PALM2AKAP2: variants seen among roughly 807,000 people sequenced by gnomAD.
PALM2AKAP2 encodes PALM2-AKAP2 fusion protein.
In PALM2AKAP2, 37 loss-of-function variants were observed where a neutral mutation model predicts 71.5. That is an observed-to-expected ratio of 0.52 (90% CI 0.40 to 0.68). PALM2AKAP2 has a LOEUF of 0.68. Among genes scored for constraint, PALM2AKAP2 ranks in the 30% least tolerant of loss-of-function variants. The pLI is 0.00. For synonymous variants in PALM2AKAP2, 468 were observed against 478.8 expected, an observed-to-expected ratio of 0.98 and a Z score of 0.29; for missense variants, 1,224 against 1,191.8, an observed-to-expected ratio of 1.03 and a Z score of -0.40.
rs201336074 is a variant in PALM2AKAP2 at position 110,002,797 on chromosome 9, A to G, written c.497-13157A>G. Among the ~76,000 whole-genome samples the G allele has an allele frequency of 4.3e-4, 65 of 152,282 alleles. 2 individuals carry two copies. In the East Asian group the frequency reaches 0.011, roughly 25 times the overall value. On this transcript the variant is annotated intron_variant, in intron 6 of 9. Transcript: ENST00000302798. ...GTCGAGGAATTTATCCATTTCTTCT[A>G]GATTTTCTAGTTTATTTGTGTAGAG...
intron 1 of PALM2AKAP2, among the ~76,000 whole-genome samples, chr9:109,803,835 G>T (rs1055242963): frequency 6.6e-6 from 1 of 152,218 alleles, no homozygotes; most frequent in African/African-American, 2.4e-5. Context: ...ATGTGCTCCT[G>T]CAGAGTTAAG....
At chr9:109,723,397 T>C (rs1828432667) in intron 1 of PALM2AKAP2, among the ~76,000 whole-genome samples, 1 of 152,140 alleles carries the variant, frequency 6.6e-6, no homozygotes. Context: ...TACCAAATAT[T>C]TAATGAACAC....
At chr9:109,915,614 A>AT (rs1396658326) in intron 3 of PALM2AKAP2, among the ~76,000 whole-genome samples, 3 of 152,070 alleles carry the variant, frequency 2.0e-5, no homozygotes, top group African/African-American at 7.2e-5. Flanking sequence ...GGAGTTGCAG[A>AT]TTTTTTTACT....
rs565668461 is a variant in PALM2AKAP2, at chr9:110,038,890, G to A, written c.582+22851G>A. ...TGGGAGGCAGAGGTTGCAGTGAGCC[G>A]CGATTGTGCCACTCCAGCCTGGCAA... On this transcript the variant is annotated intron_variant, in intron 7 of 9. Coordinates refer to the PALM2AKAP2 transcript ENST00000302798. Among the ~76,000 whole-genome samples, 15 of 69,400 alleles carry A rather than the reference G, an allele frequency of 2.2e-4. No individual in the cohort carries two copies. The South Asian group carries it at 3.2e-3, about 15-fold the overall frequency. 45.5% of individuals were successfully genotyped at this position (69,400 alleles called of 152,430 possible).
At chr9:109,949,091 C>T (rs577233501) in intron 6 of PALM2AKAP2, among the ~76,000 whole-genome samples, 10 of 152,360 alleles carry the variant, frequency 6.6e-5, no homozygotes, top group African/African-American at 2.4e-4. Context: ...AGGTGTGGCC[C>T]AAAGGGGCTA....
upstream of PALM2AKAP2, among the ~76,000 whole-genome samples, chr9:110,046,930 G>T (rs1443580739): frequency 6.6e-6 from 1 of 151,536 alleles, no homozygotes; most frequent in Admixed American, 6.6e-5. Context: ...GAGAGTCTAT[G>T]GTCCATATAA....
At chr9:110,083,964 C>A (rs1362493479) in intron 1 of PALM2AKAP2, among the ~76,000 whole-genome samples, 1 of 152,174 alleles carries the variant, frequency 6.6e-6, no homozygotes, top group Non-Finnish European at 1.5e-5. Flanking sequence ...GGATATCCAA[C>A]CTGAGAGAGG....
At position 109,843,324 on chromosome 9, in the gene PALM2AKAP2, A is replaced by G. The variant is rs60342773; in HGVS notation, c.46-24167A>G. The stretch of plus-strand genomic sequence containing the variant: ...CTCAAAAAAAAAAAAAAAAAAAAAA[A>G]GAAGAAGACTTTTTGAATTAAAGAA... On this transcript the variant is annotated intron_variant, in intron 1 of 9. Coordinates refer to the PALM2AKAP2 transcript ENST00000302798. 3.2e-4 allele frequency among the ~76,000 whole-genome samples: 46 copies of G among 145,702 alleles called. No homozygotes were observed. In the East Asian group the frequency reaches 7.4e-3, roughly 23 times the overall value.
intron 1 of PALM2AKAP2, among the ~76,000 whole-genome samples, chr9:110,063,205 C>G (rs555326820): frequency 9.2e-5 from 14 of 152,284 alleles, no homozygotes; most frequent in Non-Finnish European, 1.5e-4. Context: ...ATACATCTGT[C>G]TCCCAGGCAT....
At chr9:110,044,287 C>T (rs1019834471), upstream of PALM2AKAP2, among the ~76,000 whole-genome samples, 3 of 149,848 alleles carry the variant, frequency 2.0e-5, no homozygotes, top group Non-Finnish European at 3.0e-5. Context: ...TTAGTGTGAG[C>T]GAGTCTTTTT....
intron 1 of PALM2AKAP2, among the ~76,000 whole-genome samples, chr9:109,755,265 C>G (rs910201479): frequency 1.3e-5 from 2 of 152,110 alleles, no homozygotes; most frequent in African/African-American, 4.8e-5. Flanking sequence ...ATTCCTTATC[C>G]TGACCAACAA....
At chr9:109,861,088 G>A (rs1161757119) in intron 1 of PALM2AKAP2, among the ~76,000 whole-genome samples, 1 of 152,204 alleles carries the variant, frequency 6.6e-6, no homozygotes, top group Non-Finnish European at 1.5e-5. Context: ...GTGCCCTGGG[G>A]CGCGAGGTAT....
At chr9:109,843,220 T>A (rs1176042305) in intron 1 of PALM2AKAP2, among the ~76,000 whole-genome samples, 1 of 142,226 alleles carries the variant, frequency 7.0e-6, no homozygotes, top group Non-Finnish European at 1.5e-5. Context: ...GAGGATCACC[T>A]GAGCCCAGGA....
At chr9:109,932,907 T>TCATGGA (rs59365755) in intron 6 of PALM2AKAP2, among the ~76,000 whole-genome samples, 22,314 of 152,158 alleles carry the variant, frequency 0.15, 2,057 homozygotes, top group East Asian at 0.25. Flanking sequence ...AGTAAAACAA[T>TCATGGA]CATGGATGTT....
intron 2 of PALM2AKAP2, among the ~76,000 whole-genome samples, chr9:110,150,922 TA>T (rs1836296242): frequency 6.6e-6 from 1 of 152,250 alleles, no homozygotes; most frequent in Middle Eastern, 3.2e-3. Context: ...TTTGAGAGTC[TA>T]AAACATCATT....
exon 2 of PALM2AKAP2, chr9:110,136,536 C>A: frequency 6.2e-7 from 1 of 1,613,542 alleles, no homozygotes; most frequent in Non-Finnish European, 8.5e-7. Flanking sequence ...GCGACCCAGC[C>A]AGAACCCACT....
chr9:109,690,888 G>C (rs1827873199), intron 1 of PALM2AKAP2, among the ~76,000 whole-genome samples: 1 of 152,062 alleles, frequency 6.6e-6, no homozygotes, highest in Non-Finnish European at 1.5e-5. Context: ...TCTGTGATAT[G>C]TCTCCTAACT....
At chr9:110,064,680 C>T (rs1834037554) in intron 1 of PALM2AKAP2, among the ~76,000 whole-genome samples, 1 of 152,230 alleles carries the variant, frequency 6.6e-6, no homozygotes, top group African/African-American at 2.4e-5. Context: ...ATTGTCCCAC[C>T]TCTGTCATCG....
intron 1 of PALM2AKAP2, among the ~76,000 whole-genome samples, chr9:110,095,484 G>A (rs1311465931): frequency 1.3e-5 from 2 of 152,048 alleles, no homozygotes; most frequent in Non-Finnish European, 2.9e-5. Context: ...CTTAGAAACA[G>A]AAAGGAGCCA....
Sources: allele counts gnomAD v4.1 joint callset (sites outside exome capture counted in the v4.1 genomes callset), GRCh38; gene constraint gnomAD v4.1.1; transcripts MANE v1.5; gene names NCBI Gene and HGNC (gene_info 2026-07-23, HGNC 2026-07-21).